Variants in ANKS1B observed in about 807,000 individuals in gnomAD.
The protein encoded by ANKS1B is ankyrin repeat and sterile alpha motif domain containing 1B, also known as ankyrin repeat and sterile alpha motif domain-containing protein 1B.
In ANKS1B, 36 loss-of-function variants were observed where a neutral mutation model predicts 148.3. The observed-to-expected ratio is 0.24, with a 90% CI of 0.19 to 0.32. ANKS1B has a LOEUF of 0.32. Among genes scored for constraint, ANKS1B ranks in the 10% least tolerant of loss-of-function variants. The pLI is 1.00. For missense variants in ANKS1B, 1,157 were observed against 1,542.6 expected (o/e 0.75, Z 4.19); for synonymous variants, 542 against 560.8 (o/e 0.97, Z 0.47).
At chr12:99,045,433 C>T (rs1426157385) in intron 17 of ANKS1B, among the ~76,000 whole-genome samples, 1 of 152,132 alleles carries the variant, frequency 6.6e-6, no homozygotes, top group Non-Finnish European at 1.5e-5. Context: ...CAGGTCATTC[C>T]GCTTATTAAA....
intron 12 of ANKS1B, among the ~76,000 whole-genome samples, chr12:99,273,406 T>C (rs1353779757): frequency 1.3e-5 from 2 of 152,114 alleles, no homozygotes; most frequent in African/African-American, 4.8e-5. Context: ...TATCCACAAA[T>C]CTTTCTGACA....
chr12:99,110,605 AT>A (rs2060100924), intron 15 of ANKS1B, among the ~76,000 whole-genome samples: 2 of 152,348 alleles, frequency 1.3e-5, no homozygotes, highest in East Asian at 3.9e-4. Context: ...AAGAATGAAA[AT>A]TCACTGTGTT....
At chr12:99,288,736 T>C (rs551578948) in intron 12 of ANKS1B, among the ~76,000 whole-genome samples, 2 of 152,190 alleles carry the variant, frequency 1.3e-5, no homozygotes, top group East Asian at 1.9e-4. Flanking sequence ...AGCCTCCTGA[T>C]AACCTCAAAT....
At chr12:98,741,289 G>T (rs192143994), downstream of ANKS1B, among the ~76,000 whole-genome samples, 1 of 152,054 alleles carries the variant, frequency 6.6e-6, no homozygotes, top group African/African-American at 2.4e-5. Context: ...ATGAGTAACC[G>T]GGCATCTAGC....
intron 15 of ANKS1B, among the ~76,000 whole-genome samples, chr12:99,117,468 T>A (rs149810932): frequency 0.093 from 14,184 of 152,304 alleles, 836 homozygotes; most frequent in South Asian, 0.22. Context: ...ATGGTTTTTG[T>A]CATTGGTTCT....
At chr12:99,137,726 A>G (rs2068640079) in intron 15 of ANKS1B, among the ~76,000 whole-genome samples, 1 of 151,808 alleles carries the variant, frequency 6.6e-6, no homozygotes, top group Non-Finnish European at 1.5e-5. Context: ...GGGCTCAACT[A>G]CTGAATAACC....
At chr12:99,590,187 C>G (rs1360119805) in intron 9 of ANKS1B, among the ~76,000 whole-genome samples, 1 of 151,550 alleles carries the variant, frequency 6.6e-6, no homozygotes, top group Non-Finnish European at 1.5e-5. Flanking sequence ...AAAAAATTCA[C>G]AAAAATGTTA....
At chr12:99,697,085 G>T (rs2054046052) in intron 8 of ANKS1B, among the ~76,000 whole-genome samples, 1 of 152,168 alleles carries the variant, frequency 6.6e-6, no homozygotes, top group African/African-American at 2.4e-5. Flanking sequence ...AACACCAAAT[G>T]CTGGTGAGGA....
chr12:99,441,760 G>T (rs1013670109), intron 11 of ANKS1B, among the ~76,000 whole-genome samples: 10 of 151,866 alleles, frequency 6.6e-5, no homozygotes. Flanking sequence ...AGTAACGACA[G>T]CACCAAGAAA....
intron 17 of ANKS1B, among the ~76,000 whole-genome samples, chr12:98,991,584 GTAAC>G (rs975169459): frequency 1.4e-4 from 22 of 152,224 alleles, no homozygotes; most frequent in African/African-American, 5.1e-4. Flanking sequence ...AATAATAATA[GTAAC>G]TAACAGTTTT....
chr12:99,366,381 C>G (rs1024279601), intron 12 of ANKS1B, among the ~76,000 whole-genome samples: 8 of 152,158 alleles, frequency 5.3e-5, no homozygotes, highest in Non-Finnish European at 1.2e-4. Flanking sequence ...TGTAGGTCAC[C>G]TCGCTGCCCC....
At position 99,606,054 on chromosome 12, in the gene ANKS1B, G is replaced by A. The variant is rs771199480; in HGVS notation, c.1272+49013C>T. ...AATTACTGTGATGTGATATTTCATC[G>A]TGGTTTCTATTTACATTTCTCTGGT... On this transcript the variant is annotated intron_variant, in intron 9 of 26. Transcript: ENST00000683438. 1.1e-4 allele frequency among the ~76,000 whole-genome samples: 16 copies of A among 151,938 alleles called. 1 individual carries two copies. Among genetic ancestry groups the A allele is most frequent in the South Asian group, 4.2e-4 (2 of 4,790 alleles).
chr12:99,722,948 C>T (rs1346416014), intron 8 of ANKS1B, among the ~76,000 whole-genome samples: 1 of 152,194 alleles, frequency 6.6e-6, no homozygotes, highest in African/African-American at 2.4e-5. Context: ...ACCCCCCCGC[C>T]AAGGGAGGTG....
At chr12:98,898,068 G>A (rs1459250244) in intron 17 of ANKS1B, among the ~76,000 whole-genome samples, 1 of 152,182 alleles carries the variant, frequency 6.6e-6, no homozygotes, top group Non-Finnish European at 1.5e-5. Flanking sequence ...CAGGGAGGAT[G>A]GGAGGGGACT....
chr12:99,348,347 C>T (rs913651365), intron 12 of ANKS1B, among the ~76,000 whole-genome samples: 6 of 151,648 alleles, frequency 4.0e-5, no homozygotes, highest in Non-Finnish European at 8.8e-5. Context: ...TAGTTACCCC[C>T]TACCTGAACA....
At chr12:99,920,645 G>A (rs749339950) in intron 1 of ANKS1B, among the ~76,000 whole-genome samples, 4 of 152,088 alleles carry the variant, frequency 2.6e-5, no homozygotes, top group Admixed American at 2.0e-4. Flanking sequence ...GAAAGCCGGT[G>A]GTGCGATTCA....
intron 2 of ANKS1B, among the ~76,000 whole-genome samples, chr12:99,823,249 G>T (rs2082726183): frequency 6.6e-6 from 1 of 152,020 alleles, no homozygotes; most frequent in African/African-American, 2.4e-5. Flanking sequence ...TTTGTTTATT[G>T]ATAGTTTCTC....
At position 99,440,743 on chromosome 12, in the gene ANKS1B, T is replaced by C. The variant is rs536351330; in HGVS notation, c.1575+2930A>G. 1.8e-4 allele frequency among the ~76,000 whole-genome samples: 27 copies of C among 151,988 alleles called. No homozygotes were observed. In the East Asian group the frequency reaches 4.5e-3, roughly 25 times the overall value. On this transcript the variant is annotated intron_variant, in intron 11 of 26. Transcript: ENST00000683438. Reference sequence around the variant, plus strand: ...AACACATGCAATGTGTTATCAGCCCTATCTCATATTGAAAGCAAGGACTCC... The same window carrying C: ...AACACATGCAATGTGTTATCAGCCCCATCTCATATTGAAAGCAAGGACTCC...
At chr12:99,339,817 C>T (rs954988362) in intron 12 of ANKS1B, among the ~76,000 whole-genome samples, 2 of 152,108 alleles carry the variant, frequency 1.3e-5, no homozygotes, top group Non-Finnish European at 2.9e-5. Flanking sequence ...ATCCAGTCTC[C>T]ACTTTCGCAC....
Sources: allele counts gnomAD v4.1 joint callset (sites outside exome capture counted in the v4.1 genomes callset), GRCh38; gene constraint gnomAD v4.1.1; transcripts MANE v1.5; gene names NCBI Gene and HGNC (gene_info 2026-07-23, HGNC 2026-07-21).